ACOT7: variants seen among roughly 807,000 people sequenced by gnomAD.
ACOT7 encodes the protein acyl-CoA thioesterase 7.
Under a neutral mutation model 40.2 loss-of-function variants are expected in ACOT7, and 12 were observed. The observed-to-expected ratio is 0.30, with a 90% CI of 0.19 to 0.48. ACOT7 has a LOEUF of 0.48. ACOT7 is among the 20% of genes least tolerant of loss of function. The pLI is 0.99. For synonymous variants in ACOT7, 228 were observed against 219.5 expected (o/e 1.04, Z -0.34); for missense variants, 395 against 530.8 (o/e 0.74, Z 2.51).
At chr1:6,295,720 C>A (rs1479540522) in intron 6 of ACOT7, among the ~76,000 whole-genome samples, 2 of 152,142 alleles carry the variant, frequency 1.3e-5, no homozygotes, top group Non-Finnish European at 2.9e-5. Context: ...CCAGAAGAGG[C>A]AAGTCCATGG....
At chr1:6,383,135 T>C (rs1642370275) in intron 1 of ACOT7, among the ~76,000 whole-genome samples, 1 of 151,226 alleles carries the variant, frequency 6.6e-6, no homozygotes, top group Admixed American at 6.6e-5. Context: ...CAGCTTGGCC[T>C]CCCAAAGTGG....
intron 6 of ACOT7, among the ~76,000 whole-genome samples, chr1:6,315,759 A>C (rs868541475): frequency 0.21 from 27,313 of 128,472 alleles, 3,181 homozygotes; most frequent in African/African-American, 0.47. Context: ...TGTCTAAAAA[A>C]AAAAAAAAAA....
Position 6,393,445 on chromosome 1 carries a change from C to T in ACOT7, c.-46G>A, listed in dbSNP as rs1642572055. 1 of 1,090,190 alleles carries T rather than the reference C, an allele frequency of 9.2e-7. No homozygotes were observed. Among genetic ancestry groups the T allele is most frequent in the Non-Finnish European group, 1.1e-6 (1 of 921,022 alleles). 67.5% of individuals were successfully genotyped at this position (1,090,190 alleles called of 1,614,324 possible). ...GAGCGATGGGGCTGGTGAGGCGGGGCCTGCGCGCCGGGGGCAATCGAACGC... is the reference window on the plus strand; with the variant it reads ...GAGCGATGGGGCTGGTGAGGCGGGGTCTGCGCGCCGGGGGCAATCGAACGC... On this transcript the variant is annotated 5_prime_UTR_variant, in exon 1 of 9. Transcript: ENST00000361521.
chr1:6,308,900 A>C (rs187420211), intron 6 of ACOT7, among the ~76,000 whole-genome samples: 1 of 152,372 alleles, frequency 6.6e-6, no homozygotes, highest in Admixed American at 6.5e-5. Flanking sequence ...CTAGACTGTC[A>C]TAGCTGGCGC....
chr1:6,298,366 T>A (rs1385790116), intron 6 of ACOT7, among the ~76,000 whole-genome samples: 1 of 152,056 alleles, frequency 6.6e-6, no homozygotes, highest in Non-Finnish European at 1.5e-5. Flanking sequence ...AACTCCTGAC[T>A]TCAAGTGATC....
At chr1:6,341,594 T>C (rs1057262470) in intron 2 of ACOT7, among the ~76,000 whole-genome samples, 6 of 151,972 alleles carry the variant, frequency 3.9e-5, no homozygotes, top group African/African-American at 1.2e-4. Context: ...TACAAAAAAT[T>C]AGCCGGGTGT....
chr1:6,359,737 A>G lies in ACOT7; in HGVS notation c.144-9871T>C, dbSNP rs1164303616. On this transcript the variant is annotated intron_variant, in intron 1 of 8. Transcript: ENST00000361521. The surrounding 1 kb of genome is among the most constrained non-coding windows in gnomAD (Gnocchi z 4.1). Reference sequence around the variant, plus strand: ...TGTGTTATCACCACAACCTCCCCCAATGCTGCCCCCACCAGGGCTGCTTTC... The same window carrying G: ...TGTGTTATCACCACAACCTCCCCCAGTGCTGCCCCCACCAGGGCTGCTTTC... 1.3e-5 allele frequency among the ~76,000 whole-genome samples: 2 copies of G among 152,090 alleles called. No individual in the cohort carries two copies. Among genetic ancestry groups the G allele is most frequent in the East Asian group, 1.9e-4 (1 of 5,190 alleles).
intron 6 of ACOT7, among the ~76,000 whole-genome samples, chr1:6,307,246 TCACGTGCAGCG>T (rs1640182031): frequency 6.6e-6 from 1 of 152,214 alleles, no homozygotes; most frequent in African/African-American, 2.4e-5. Context: ...TACGTGTTTC[TCACGTGCAGCG>T]CACGTGCAGC....
Position 6,358,979 on chromosome 1 carries a change from C to G in ACOT7, c.144-9113G>C. 2 of 1,446,734 alleles carry G rather than the reference C, an allele frequency of 1.4e-6. No homozygotes were observed. Among genetic ancestry groups the G allele is most frequent in the Non-Finnish European group, 1.8e-6 (2 of 1,082,786 alleles). The allele number at this position is 1,446,734 out of a possible 1,614,324, so 89.6% of individuals were successfully genotyped here. On this transcript the variant is annotated intron_variant, in intron 1 of 8. Coordinates refer to ENST00000361521, the MANE Select transcript of ACOT7 (RefSeq NM_007274.4). This position sits in a 1 kb window ranked among gnomAD's most constrained non-coding sequence, Gnocchi z 4.1. ...CTTGGTGGGGAGCACCCCCCACCCC[C>G]AGCTTCCTGAGCTGCCCAATCTGGC...
At chr1:6,351,855 G>A (rs1641600581) in intron 1 of ACOT7, among the ~76,000 whole-genome samples, 1 of 152,252 alleles carries the variant, frequency 6.6e-6, no homozygotes, top group Admixed American at 6.5e-5. Context: ...TCATGCGGTG[G>A]GCACTGAAGA....
intron 8 of ACOT7, among the ~76,000 whole-genome samples, 170 bp downstream of exon 8, chr1:6,280,932 C>T (rs1639337100): frequency 6.6e-6 from 1 of 152,184 alleles, no homozygotes; most frequent in African/African-American, 2.4e-5. Context: ...ACCGGATCAG[C>T]CCCGCAGCCC....
chr1:6,292,306 G>C (rs1380606133), intron 7 of ACOT7, among the ~76,000 whole-genome samples: 1 of 152,274 alleles, frequency 6.6e-6, no homozygotes, highest in Non-Finnish European at 1.5e-5. Flanking sequence ...GCGGCCCACT[G>C]TCAGGCCCTG....
At position 6,317,186 on chromosome 1, in the gene ACOT7, C is replaced by G. The variant is rs1341108817; in HGVS notation, c.712+1306G>C. On this transcript the variant is annotated intron_variant, in intron 6 of 8. Coordinates refer to ENST00000361521, the MANE Select transcript of ACOT7 (RefSeq NM_007274.4). ...CTTCATTAACCACACAGCACCTTCA[C>G]AACTTCTGCTCTCACTGATACCACT... 1.7e-4 allele frequency among the ~76,000 whole-genome samples: 26 copies of G among 152,198 alleles called. 1 individual carries two copies. The highest frequency in any genetic ancestry group is 1.7e-3 in the Admixed American group (26 of 15,278).
chr1:6,327,467 C>T (rs1640835920), intron 4 of ACOT7, 54 bp from the exon 5 acceptor site: 10 of 1,552,588 alleles, frequency 6.4e-6, no homozygotes, highest in Admixed American at 3.5e-5. Flanking sequence ...CTCCTCCCCT[C>T]GCTGGGCGGC....
intron 1 of ACOT7, among the ~76,000 whole-genome samples, chr1:6,376,727 CAAAA>C (rs74829338): frequency 1.1e-5 from 1 of 94,656 alleles, no homozygotes; most frequent in Non-Finnish European, 2.3e-5. Flanking sequence ...AACTCCATCC[CAAAA>C]AAAAAAAAAA....
intron 3 of ACOT7, among the ~76,000 whole-genome samples, chr1:6,334,547 C>G (rs552940453): frequency 6.6e-6 from 1 of 152,372 alleles, no homozygotes; most frequent in Admixed American, 6.5e-5. Flanking sequence ...ACTTCCTTTC[C>G]TTCACACCAG....
intron 5 of ACOT7, among the ~76,000 whole-genome samples, chr1:6,326,943 A>G (rs560281273): frequency 9.9e-5 from 15 of 152,092 alleles, no homozygotes; most frequent in South Asian, 4.2e-4. Context: ...AAAAAAAAAA[A>G]AAAAGAAAAG....
intron 8 of ACOT7, among the ~76,000 whole-genome samples, chr1:6,271,554 G>A (rs1282428978): frequency 6.6e-6 from 1 of 152,204 alleles, no homozygotes; most frequent in Non-Finnish European, 1.5e-5. Flanking sequence ...ACAAGCACCT[G>A]TGCCCCCAGG....
intron 4 of ACOT7, among the ~76,000 whole-genome samples, chr1:6,329,250 G>A (rs891076144): frequency 7.2e-5 from 11 of 152,222 alleles, no homozygotes; most frequent in Admixed American, 1.3e-4. Context: ...ATCATCTTCA[G>A]TTGAGAACCC....
Sources: gnomAD v4.1 joint callset for allele counts (sites outside exome capture counted in the v4.1 genomes callset) on GRCh38, gnomAD v4.1.1 for gene constraint, Gnocchi (gnomAD v3.1) non-coding constraint, MANE v1.5 for transcripts, NCBI Gene and HGNC (gene_info 2026-07-23, HGNC 2026-07-21) for gene names.